Variants in HMGN3 observed in about 807,000 individuals in gnomAD.
HMGN3 encodes high mobility group nucleosomal binding domain 3, also known as high mobility group nucleosome-binding domain-containing protein 3.
A neutral mutation model predicts 18.8 loss-of-function variants in HMGN3; 6 were observed. The observed-to-expected ratio is 0.32, with a 90% confidence interval of 0.18 to 0.63. HMGN3 has a LOEUF of 0.63. HMGN3 is among the 30% of genes least tolerant of loss of function. The pLI is 0.79. For synonymous variants in HMGN3, 40 were observed against 36.5 expected, an observed-to-expected ratio of 1.10 and a Z score of -0.35; for missense variants, 107 against 114.2, an observed-to-expected ratio of 0.94 and a Z score of 0.29.
chr6:79,203,600 G>A lies in HMGN3; in HGVS notation c.127C>T (p.Pro43Ser), dbSNP rs747342493. ...CTTACCTTAGCAGATGTTTTTCTTG[G>A]TTTGGGTTCAGGTTTTGGTGGAGCA... is the stretch of plus-strand genomic sequence containing the variant. Residue 43 changes from proline to serine, a missense_variant, in exon 4 of 6, where the codon CCA (proline) becomes TCA (serine). Physicochemically the swap from Pro to Ser is moderately conservative, Grantham distance 74. Coordinates refer to ENST00000344726, the Ensembl canonical transcript of HMGN3. 2.4e-5 allele frequency: 38 copies of A among 1,612,864 alleles called. No homozygotes were observed. The highest frequency in any genetic ancestry group is 3.0e-5 in the Non-Finnish European group (35 of 1,179,536).
intron 4 of HMGN3, 61 bp downstream of exon 4, chr6:79,203,519 G>A: frequency 7.8e-7 from 1 of 1,285,574 alleles, no homozygotes; most frequent in Non-Finnish European, 1.1e-6. Context: ...TGATTCTGAG[G>A]TAGGGAATTA....
At chr6:79,232,742 C>T (rs1777911155) in intron 1 of HMGN3, among the ~76,000 whole-genome samples, 1 of 152,068 alleles carries the variant, frequency 6.6e-6, no homozygotes, top group Non-Finnish European at 1.5e-5. Context: ...GTGTGCACAC[C>T]TAACCTACTG....
chr6:79,230,679 A>G (rs1777796704), intron 1 of HMGN3, among the ~76,000 whole-genome samples: 2 of 152,210 alleles, frequency 1.3e-5, no homozygotes, highest in Non-Finnish European at 2.9e-5. Context: ...TTCCATAAGG[A>G]AATGTGAGAT....
At chr6:79,217,296 T>C (rs1282221530) in intron 1 of HMGN3, among the ~76,000 whole-genome samples, 1 of 152,178 alleles carries the variant, frequency 6.6e-6, no homozygotes, top group East Asian at 1.9e-4. Flanking sequence ...TGTGATACAA[T>C]GGTATGAATG....
At chr6:79,216,664 CCA>C (rs1187404316) in intron 1 of HMGN3, among the ~76,000 whole-genome samples, 1 of 152,132 alleles carries the variant, frequency 6.6e-6, no homozygotes, top group Non-Finnish European at 1.5e-5. Context: ...TTTTTGTACC[CCA>C]CTCTCTTGCA....
At chr6:79,201,490 G>A (rs896257466) in exon 6 of HMGN3, 16 of 546,636 alleles carry the variant, frequency 2.9e-5, no homozygotes, top group African/African-American at 2.8e-4. Flanking sequence ...ATATTTAACT[G>A]ATATTTATTT....
intron 1 of HMGN3, among the ~76,000 whole-genome samples, chr6:79,232,205 A>G (rs1777874338): frequency 6.6e-6 from 1 of 152,214 alleles, no homozygotes; most frequent in South Asian, 2.1e-4. Context: ...TTGAAGAGCT[A>G]TGCATGGATT....
intron 1 of HMGN3, among the ~76,000 whole-genome samples, chr6:79,228,520 T>C (rs370086017): frequency 2.7e-4 from 41 of 152,332 alleles, no homozygotes; most frequent in African/African-American, 9.6e-4. Context: ...CTTTCCTAAC[T>C]GATTTATAGA....
In HMGN3 at chr6:79,202,266, T is replaced by C. The variant is rs574877309; in HGVS notation, c.261+10A>G. 1 of 1,613,664 alleles carries C rather than the reference T, an allele frequency of 6.2e-7. No homozygotes were observed. The highest frequency in any genetic ancestry group is 8.5e-7 in the Non-Finnish European group (1 of 1,179,596). On this transcript the variant is annotated intron_variant, in intron 5 of 5. Coordinates refer to ENST00000344726, the Ensembl canonical transcript of HMGN3. ...TGATTCAATCAGTGGGAGGTATTTA[T>C]GGAAAGTACCTCTTCAGCTTTAGTT...
At chr6:79,227,613 A>T (rs571076386) in intron 1 of HMGN3, among the ~76,000 whole-genome samples, 100 of 152,340 alleles carry the variant, frequency 6.6e-4, no homozygotes, top group African/African-American at 2.3e-3. Flanking sequence ...AATCAACGAA[A>T]CAGAGCATAT....
intron 1 of HMGN3, among the ~76,000 whole-genome samples, chr6:79,227,092 G>A (rs1777598275): frequency 6.6e-6 from 1 of 152,140 alleles, no homozygotes; most frequent in Non-Finnish European, 1.5e-5. Flanking sequence ...CTTAAATGGT[G>A]TTTATTTCAG....
At chr6:79,215,684 G>C (rs1255666895) in intron 1 of HMGN3, among the ~76,000 whole-genome samples, 1 of 152,076 alleles carries the variant, frequency 6.6e-6, no homozygotes, top group African/African-American at 2.4e-5. Context: ...GCTCAAACCT[G>C]ATTCCTTTAA....
intron 2 of HMGN3, among the ~76,000 whole-genome samples, chr6:79,211,830 G>T (rs896004533): frequency 1.3e-5 from 2 of 152,062 alleles, no homozygotes; most frequent in African/African-American, 4.8e-5. Context: ...TATCCTGGTT[G>T]CAAAAGCAAC....
exon 6 of HMGN3, chr6:79,201,718 T>A: frequency 6.2e-7 from 1 of 1,606,216 alleles, no homozygotes; most frequent in Non-Finnish European, 8.5e-7. Context: ...CAGATTCAGT[T>A]TTCTGTGCCT....
intron 3 of HMGN3, among the ~76,000 whole-genome samples, chr6:79,206,569 A>T (rs957797294): frequency 1.3e-5 from 2 of 152,220 alleles, no homozygotes; most frequent in African/African-American, 4.8e-5. Context: ...TATGGAAACA[A>T]CTGGATGCCC....
At chr6:79,234,645 C>G in exon 1 of HMGN3, 2 of 1,363,926 alleles carry the variant, frequency 1.5e-6, no homozygotes, top group Non-Finnish European at 2.1e-6. Context: ...GCCTCTGCAG[C>G]TGCTCACGCG....
intron 1 of HMGN3, among the ~76,000 whole-genome samples, chr6:79,222,147 G>A (rs1777325390): frequency 6.6e-6 from 1 of 152,050 alleles, no homozygotes; most frequent in Non-Finnish European, 1.5e-5. Flanking sequence ...AAAAGCTGAT[G>A]GTATATATAA....
At chr6:79,201,455 G>A in exon 6 of HMGN3, 1 of 496,084 alleles carries the variant, frequency 2.0e-6, no homozygotes, top group South Asian at 3.8e-5. Flanking sequence ...ATGGAATGCT[G>A]AATCAATCTT....
At chr6:79,234,379 C>CAG (rs3076135) in intron 1 of HMGN3, 167 bp downstream of exon 1, 593,649 of 627,590 alleles carry the variant, frequency 0.95, 281,827 homozygotes, top group East Asian at 1. Context: ...GTAGGGGGGA[C>CAG]AGAGAGAGGA....
Sources: allele counts gnomAD v4.1 joint callset (sites outside exome capture counted in the v4.1 genomes callset), GRCh38; gene constraint gnomAD v4.1.1; transcripts MANE v1.5; gene names NCBI Gene and HGNC (gene_info 2026-07-23, HGNC 2026-07-21).